Variants in SETBP1 observed in about 807,000 individuals in gnomAD.
SETBP1 encodes the protein SET-binding protein.
A neutral mutation model predicts 101.0 loss-of-function variants in SETBP1; 9 were observed. The ratio of observed to expected loss-of-function variants is 0.09; its 90% CI spans 0.05 to 0.16. The LOEUF is 0.16. Among genes scored for constraint, SETBP1 ranks in the 10% least tolerant of loss-of-function variants. The probability of loss-of-function intolerance (pLI) is 1.00; values close to 1 mark genes in which losing one functional copy is unlikely to be tolerated. For missense variants in SETBP1, 1,858 were observed against 2,033.8 expected, an observed-to-expected ratio of 0.91 and a Z score of 1.66; for synonymous variants, 818 against 788.5, an observed-to-expected ratio of 1.04 and a Z score of -0.63.
intron 2 of SETBP1, among the ~76,000 whole-genome samples, chr18:44,861,230 T>C (rs1299463788): frequency 8.3e-4 from 28 of 33,614 alleles, no homozygotes; most frequent in African/African-American, 7.5e-3. Flanking sequence ...TTTTCTTTTC[T>C]TTTTTTTTTT....
chr18:45,042,303 C>T (rs1191710759), intron 5 of SETBP1, among the ~76,000 whole-genome samples: 2 of 152,074 alleles, frequency 1.3e-5, no homozygotes, highest in Non-Finnish European at 1.5e-5. Flanking sequence ...GCACATGCCA[C>T]CATGCCCAAC....
At chr18:44,916,974 C>G (rs918785314) in intron 3 of SETBP1, among the ~76,000 whole-genome samples, 1 of 152,220 alleles carries the variant, frequency 6.6e-6, no homozygotes, top group African/African-American at 2.4e-5. Context: ...TTTCCCAGAC[C>G]TCATCAGTGC....
chr18:44,910,693 C>G (rs1328233138), intron 3 of SETBP1, among the ~76,000 whole-genome samples: 2 of 152,152 alleles, frequency 1.3e-5, no homozygotes, highest in African/African-American at 4.8e-5. Flanking sequence ...TACTAAAAAC[C>G]TAGAGGGGGT....
chr18:45,024,502 C>A (rs2073127590), intron 4 of SETBP1, among the ~76,000 whole-genome samples: 3 of 152,180 alleles, frequency 2.0e-5, no homozygotes, highest in Admixed American at 2.0e-4. Flanking sequence ...TTAGCTCAAG[C>A]CCCACCGAGG....
At chr18:44,895,035 G>A (rs1260070703) in intron 3 of SETBP1, among the ~76,000 whole-genome samples, 1 of 149,218 alleles carries the variant, frequency 6.7e-6, no homozygotes, top group African/African-American at 2.5e-5. Flanking sequence ...GATCACTTGA[G>A]CCCAGGAATT....
intron 4 of SETBP1, among the ~76,000 whole-genome samples, chr18:45,004,481 A>G (rs1225241729): frequency 6.6e-6 from 1 of 152,246 alleles, no homozygotes; most frequent in African/African-American, 2.4e-5. Context: ...TTACAGAATC[A>G]AAGAATATCA....
At position 44,807,425 on chromosome 18, in the gene SETBP1, A is replaced by G. The variant is rs2071770932; in HGVS notation, c.487-61805A>G. On this transcript the variant is annotated intron_variant, in intron 2 of 5. Coordinates refer to ENST00000649279, the MANE Select transcript of SETBP1 (RefSeq NM_015559.3). ...TTTTCTATCCTATTTTAAATTATCC[A>G]TGTGCCATTGTAGAGACATTTCCAT... 2.0e-5 allele frequency among the ~76,000 whole-genome samples: 3 copies of G among 152,008 alleles called. No individual in the cohort carries two copies. In the South Asian group the frequency reaches 6.2e-4, roughly 31 times the overall value.
chr18:45,056,623 G>A (rs948695685), intron 5 of SETBP1, among the ~76,000 whole-genome samples: 13 of 152,260 alleles, frequency 8.5e-5, no homozygotes, highest in African/African-American at 2.9e-4. Flanking sequence ...GAGGCAGAGA[G>A]GAGGTGAACA....
chr18:44,713,189 C>T (rs2069383890), intron 2 of SETBP1, among the ~76,000 whole-genome samples: 1 of 151,992 alleles, frequency 6.6e-6, no homozygotes, highest in Non-Finnish European at 1.5e-5. Context: ...GATCTTCTGA[C>T]CTCGTGATCC....
rs1901755748 is a variant in SETBP1 at position 44,783,696 on chromosome 18, C to T, written c.486+81864C>T. Among the ~76,000 whole-genome samples the T allele has an allele frequency of 2.6e-5, 4 of 152,096 alleles. No homozygotes were observed. In the South Asian group the frequency reaches 8.3e-4, roughly 31 times the overall value. ...AGCATATTTGATTCTTTCAGCAATCCTATAATATAGGGATGGAAGGTGTTT... is the reference window on the plus strand; with the variant it reads ...AGCATATTTGATTCTTTCAGCAATCTTATAATATAGGGATGGAAGGTGTTT... On this transcript the variant is annotated intron_variant, in intron 2 of 5. Transcript: ENST00000649279.
chr18:44,733,493 C>T (rs2069884994), intron 2 of SETBP1, among the ~76,000 whole-genome samples: 3 of 152,218 alleles, frequency 2.0e-5, no homozygotes, highest in Admixed American at 2.0e-4. Flanking sequence ...CTTGTGCACA[C>T]TGTGGAGTCT....
At chr18:44,806,512 T>C (rs1178784622) in intron 2 of SETBP1, among the ~76,000 whole-genome samples, 3 of 151,990 alleles carry the variant, frequency 2.0e-5, no homozygotes, top group Non-Finnish European at 4.4e-5. Flanking sequence ...TTTGATTTTC[T>C]CACTTATGTG....
chr18:44,835,672 T>G (rs2072480845), intron 2 of SETBP1, among the ~76,000 whole-genome samples: 1 of 152,226 alleles, frequency 6.6e-6, no homozygotes, highest in African/African-American at 2.4e-5. Context: ...CAATGTTTCT[T>G]TCCCATAGGA....
At chr18:44,831,263 T>C (rs1599188478) in intron 2 of SETBP1, among the ~76,000 whole-genome samples, 1 of 152,220 alleles carries the variant, frequency 6.6e-6, no homozygotes, top group Non-Finnish European at 1.5e-5. Context: ...CATAATACTT[T>C]CCCTAGAGAT....
chr18:44,765,624 C>T (rs1224499710), intron 2 of SETBP1, among the ~76,000 whole-genome samples: 2 of 152,128 alleles, frequency 1.3e-5, no homozygotes, highest in Non-Finnish European at 2.9e-5. Flanking sequence ...ATTAATCATG[C>T]CCCAATGACA....
intron 2 of SETBP1, among the ~76,000 whole-genome samples, chr18:44,755,727 T>A (rs1363855243): frequency 1.3e-5 from 2 of 152,116 alleles, no homozygotes; most frequent in Non-Finnish European, 2.9e-5. Context: ...AGACGATCTC[T>A]CTTGGGACTT....
At chr18:44,684,303 C>G (rs1460653932) in intron 1 of SETBP1, among the ~76,000 whole-genome samples, 1 of 152,192 alleles carries the variant, frequency 6.6e-6, no homozygotes, top group Non-Finnish European at 1.5e-5. Context: ...CTGCCATATA[C>G]CTGAAAAGTG....
chr18:45,039,505 C>T (rs151146033), intron 5 of SETBP1, among the ~76,000 whole-genome samples: 140 of 152,320 alleles, frequency 9.2e-4, no homozygotes, highest in Admixed American at 2.3e-3. Flanking sequence ...GAATCTCTAC[C>T]GTGCAGTTCC....
At chr18:44,889,602 A>G (rs1296567607) in intron 3 of SETBP1, among the ~76,000 whole-genome samples, 2 of 152,156 alleles carry the variant, frequency 1.3e-5, no homozygotes, top group Admixed American at 1.3e-4. Flanking sequence ...TCTCCACCTG[A>G]AAGTGTTGAC....
Sources: gnomAD v4.1 joint callset for allele counts (sites outside exome capture counted in the v4.1 genomes callset) on GRCh38, gnomAD v4.1.1 for gene constraint, MANE v1.5 for transcripts, NCBI Gene and HGNC (gene_info 2026-07-23, HGNC 2026-07-21) for gene names.